Variants in PAG1 observed in about 807,000 individuals in gnomAD.
The protein encoded by PAG1 is phosphoprotein membrane anchor with glycosphingolipid microdomains 1.
A neutral mutation model predicts 31.7 loss-of-function variants in PAG1; 23 were observed. The observed-to-expected ratio is 0.73, with a 90% CI of 0.52 to 1.03. The LOEUF (loss-of-function observed/expected upper bound fraction) is 1.03. PAG1 is among the 50% of genes least tolerant of loss of function. The pLI is 0.00. For missense variants in PAG1, 473 were observed against 540.7 expected (o/e 0.87, Z 1.24); for synonymous variants, 214 against 210.3 (o/e 1.02, Z -0.15).
At chr8:80,984,746 C>T (rs760556184) in intron 7 of PAG1, 30 bp downstream of exon 7, 3 of 1,597,236 alleles carry the variant, frequency 1.9e-6, no homozygotes, top group South Asian at 2.3e-5. Flanking sequence ...CAGGAACCCA[C>T]AAAGACAAAA....
intron 7 of PAG1, among the ~76,000 whole-genome samples, chr8:80,983,364 T>G (rs1194058758): frequency 1.3e-5 from 2 of 152,232 alleles, no homozygotes. Context: ...TATTTTTTTC[T>G]CTTATAAACT....
chr8:81,086,432 A>G (rs1016942814), intron 1 of PAG1, among the ~76,000 whole-genome samples: 1 of 152,200 alleles, frequency 6.6e-6, no homozygotes, highest in African/African-American at 2.4e-5. Context: ...AATACATTAA[A>G]GCAGTTCAGG....
At chr8:81,027,538 G>A (rs1300336989) in intron 3 of PAG1, among the ~76,000 whole-genome samples, 2 of 152,152 alleles carry the variant, frequency 1.3e-5, no homozygotes, top group Non-Finnish European at 2.9e-5. Flanking sequence ...CACTACTACG[G>A]ATAGAATTTT....
At chr8:81,033,526 A>G (rs1481383788) in intron 2 of PAG1, among the ~76,000 whole-genome samples, 1 of 152,184 alleles carries the variant, frequency 6.6e-6, no homozygotes, top group South Asian at 2.1e-4. Flanking sequence ...GAATTTTAGG[A>G]CTTCTGATAC....
intron 3 of PAG1, among the ~76,000 whole-genome samples, chr8:81,026,729 C>T (rs986043627): frequency 6.6e-6 from 1 of 152,110 alleles, no homozygotes; most frequent in Non-Finnish European, 1.5e-5. Context: ...CCAGCAATTA[C>T]CCTGCACACG....
At chr8:81,060,179 G>A (rs1332831302) in intron 2 of PAG1, among the ~76,000 whole-genome samples, 10 of 151,952 alleles carry the variant, frequency 6.6e-5, no homozygotes, top group Non-Finnish European at 1.5e-5. Flanking sequence ...AAGAAGGCAG[G>A]GTTACTCATT....
intron 1 of PAG1, among the ~76,000 whole-genome samples, chr8:81,102,946 T>G (rs543559660): frequency 6.6e-6 from 1 of 152,338 alleles, no homozygotes; most frequent in East Asian, 1.9e-4. Context: ...TTTTATTTTT[T>G]ATACATGCAC....
chr8:81,002,829 G>A (rs1332499715), intron 3 of PAG1, among the ~76,000 whole-genome samples: 3 of 152,304 alleles, frequency 2.0e-5, no homozygotes, highest in South Asian at 4.1e-4. Flanking sequence ...GTGTTATTGT[G>A]AATTACTTAG....
chr8:81,053,316 T>A (rs1008564753), intron 2 of PAG1, among the ~76,000 whole-genome samples: 1 of 152,376 alleles, frequency 6.6e-6, no homozygotes, highest in South Asian at 2.1e-4. Context: ...AAACCTGTGT[T>A]CTTTTCCATA....
At chr8:81,029,209 C>G (rs1297946347) in intron 3 of PAG1, among the ~76,000 whole-genome samples, 1 of 152,170 alleles carries the variant, frequency 6.6e-6, no homozygotes, top group African/African-American at 2.4e-5. Flanking sequence ...GCAGCTAATT[C>G]ATGAATGCCA....
chr8:81,044,644 T>C (rs1808610135), intron 2 of PAG1, among the ~76,000 whole-genome samples: 1 of 152,142 alleles, frequency 6.6e-6, no homozygotes, highest in South Asian at 2.1e-4. Flanking sequence ...ATTAAAACAG[T>C]GGGTCAAGTC....
At chr8:81,082,371 G>T (rs1236106049) in intron 1 of PAG1, among the ~76,000 whole-genome samples, 1 of 151,954 alleles carries the variant, frequency 6.6e-6, no homozygotes, top group Non-Finnish European at 1.5e-5. Flanking sequence ...CCCTAGTTCT[G>T]GGAATCAAGA....
rs1807589223 is a variant in PAG1 at position 80,993,126 on chromosome 8, G to A, written c.102C>T (p.Ile34=). The change falls in exon 4 of 9, where the codon ATC becomes ATT. Residue 34 remains isoleucine (I), a synonymous_variant. Coordinates refer to ENST00000220597, the MANE Select transcript of PAG1 (RefSeq NM_018440.4). Reference sequence around the variant, plus strand: ...ACCTGTCACAACTAGAGCACAGGAAGATGAGGAAGGTGATGACGAAGAAAA... The same window carrying A: ...ACCTGTCACAACTAGAGCACAGGAAAATGAGGAAGGTGATGACGAAGAAAA... ...VAIFFVITFL[I]FLCSSCDREK... is the part of the protein sequence containing the mutation. 2.5e-6 allele frequency: 4 copies of A among 1,613,836 alleles called. No homozygotes were observed. The highest frequency in any genetic ancestry group is 3.4e-6 in the Non-Finnish European group (4 of 1,179,872).
At chr8:81,072,245 A>G (rs1586202487) in intron 1 of PAG1, among the ~76,000 whole-genome samples, 1 of 152,052 alleles carries the variant, frequency 6.6e-6, no homozygotes, top group South Asian at 2.1e-4. Context: ...ACTTGTTCCA[A>G]CCTCCTGTCC....
intron 3 of PAG1, among the ~76,000 whole-genome samples, chr8:80,995,116 T>C (rs1807644389): frequency 6.6e-6 from 1 of 152,220 alleles, no homozygotes; most frequent in Non-Finnish European, 1.5e-5. Context: ...TGAAACACTG[T>C]CACATTTATT....
At chr8:81,020,327 G>A (rs1808141699) in intron 3 of PAG1, among the ~76,000 whole-genome samples, 1 of 152,058 alleles carries the variant, frequency 6.6e-6, no homozygotes, top group Non-Finnish European at 1.5e-5. Context: ...AGGGGCCAGG[G>A]GTAGAATGAT....
chr8:81,084,915 A>T (rs982674083), intron 1 of PAG1, among the ~76,000 whole-genome samples: 1 of 152,234 alleles, frequency 6.6e-6, no homozygotes. Context: ...CATTAAGATG[A>T]AGTCCGTTTT....
At position 81,016,280 on chromosome 8, in the gene PAG1, G is replaced by A. The variant is rs181940397; in HGVS notation, c.-81+13716C>T. Among the ~76,000 whole-genome samples the A allele has an allele frequency of 7.9e-5, 12 of 152,266 alleles. No homozygotes were observed. The East Asian group carries it at 2.3e-3, about 29-fold the overall frequency. ...AGCAAATGCTATAGGAGGTATTATT[G>A]TCCTCATGGTACTAAAGAGGCACAG... On this transcript the variant is annotated intron_variant, in intron 3 of 8. Coordinates refer to ENST00000220597, the MANE Select transcript of PAG1 (RefSeq NM_018440.4).
intron 2 of PAG1, among the ~76,000 whole-genome samples, chr8:81,031,033 C>T (rs908779476): frequency 6.6e-6 from 1 of 152,154 alleles, no homozygotes; most frequent in Non-Finnish European, 1.5e-5. Context: ...ACATAACAAA[C>T]GGAGTGGAAC....
Sources: gnomAD v4.1 joint callset for allele counts (sites outside exome capture counted in the v4.1 genomes callset) on GRCh38, gnomAD v4.1.1 for gene constraint, MANE v1.5 for transcripts, NCBI Gene and HGNC (gene_info 2026-07-23, HGNC 2026-07-21) for gene names.